GPR149: variants seen among roughly 807,000 people sequenced by gnomAD.
The protein encoded by GPR149 is G protein-coupled receptor 149, also known as probable G protein-coupled receptor 149.
A neutral mutation model predicts 50.2 loss-of-function variants in GPR149; 50 were observed. The observed-to-expected ratio is 1.00, with a 90% CI of 0.79 to 1.26. The LOEUF (loss-of-function observed/expected upper bound fraction) is 1.26. Ranked by LOEUF, GPR149 falls within the 50% of genes most tolerant of loss-of-function variation. The probability of loss-of-function intolerance (pLI) is 0.00; values close to 1 mark genes in which losing one functional copy is unlikely to be tolerated. For synonymous variants in GPR149, 405 were observed against 358.2 expected (o/e 1.13, Z -1.48); for missense variants, 983 against 895.4 (o/e 1.10, Z -1.25).
chr3:154,412,038 G>T (rs1711851671), intron 3 of GPR149, among the ~76,000 whole-genome samples: 1 of 152,120 alleles, frequency 6.6e-6, no homozygotes, highest in South Asian at 2.1e-4. Context: ...TGCAGGAATG[G>T]TTTAACATAT....
At chr3:154,354,149 G>T in intron 3 of GPR149, 2 of 488,954 alleles carry the variant, frequency 4.1e-6, no homozygotes, top group Admixed American at 3.0e-5. Flanking sequence ...GTTTTTTTTG[G>T]CCTTGGAAGC....
At chr3:154,416,863 T>C in intron 3 of GPR149, among the ~76,000 whole-genome samples, 1 of 151,974 alleles carries the variant, frequency 6.6e-6, no homozygotes, top group East Asian at 1.9e-4. Flanking sequence ...CCTTGCACCT[T>C]ACAGATCCTA....
At chr3:154,370,396 G>C (rs1159742839) in intron 3 of GPR149, among the ~76,000 whole-genome samples, 1 of 152,168 alleles carries the variant, frequency 6.6e-6, no homozygotes, top group Non-Finnish European at 1.5e-5. Context: ...GTGGCTCAGA[G>C]GGAACCAAGA....
chr3:154,395,448 A>C (rs1715267427), intron 3 of GPR149, among the ~76,000 whole-genome samples: 1 of 85,542 alleles, frequency 1.2e-5, no homozygotes, highest in South Asian at 3.8e-4. Context: ...ATATATATAT[A>C]AGTATATATA....
At chr3:154,401,355 T>C (rs1227318854) in intron 3 of GPR149, among the ~76,000 whole-genome samples, 1 of 152,224 alleles carries the variant, frequency 6.6e-6, no homozygotes, top group Non-Finnish European at 1.5e-5. Flanking sequence ...GTTTGCCCAG[T>C]AGCAAGGCAA....
At chr3:154,384,295 A>G (rs1715000765) in intron 3 of GPR149, among the ~76,000 whole-genome samples, 1 of 152,216 alleles carries the variant, frequency 6.6e-6, no homozygotes, top group African/African-American at 2.4e-5. Flanking sequence ...ACATATAGCA[A>G]TTAGGAACAC....
chr3:154,338,667 T>C (rs952738674), intron 3 of GPR149, among the ~76,000 whole-genome samples: 7 of 152,314 alleles, frequency 4.6e-5, no homozygotes, highest in Non-Finnish European at 8.8e-5. Flanking sequence ...TTGCAAAAGT[T>C]GGAAGAAATG....
At chr3:154,354,074 G>A (rs1714155237) in intron 3 of GPR149, 4 of 459,344 alleles carry the variant, frequency 8.7e-6, no homozygotes, top group South Asian at 7.4e-5. Context: ...ATGAGATTTA[G>A]AGAATTTATC....
intron 3 of GPR149, among the ~76,000 whole-genome samples, chr3:154,382,050 T>C (rs764665405): frequency 1.3e-5 from 2 of 152,206 alleles, no homozygotes; most frequent in African/African-American, 4.8e-5. Context: ...TTTTTCTACA[T>C]AGTGAGTCAA....
chr3:154,402,506 A>AGAAAGTTTCAGAGATCCTT (rs1711571980), intron 3 of GPR149, among the ~76,000 whole-genome samples: 1 of 151,112 alleles, frequency 6.6e-6, no homozygotes, highest in Non-Finnish European at 1.5e-5. Context: ...ATCAATTCCT[A>AGAAAGTTTCAGAGATCCTT]GAAAGTTTCA....
intron 3 of GPR149, among the ~76,000 whole-genome samples, chr3:154,408,712 C>T (rs779729766): frequency 6.6e-6 from 1 of 152,206 alleles, no homozygotes; most frequent in Non-Finnish European, 1.5e-5. Flanking sequence ...TCAGACATGC[C>T]TATCCCTGCT....
intron 3 of GPR149, among the ~76,000 whole-genome samples, 173 bp downstream of exon 3, chr3:154,420,866 A>G (rs369571578): frequency 6.6e-6 from 1 of 151,986 alleles, no homozygotes; most frequent in African/African-American, 2.4e-5. Flanking sequence ...AAAAGAATTA[A>G]AAAGTCCTTC....
intron 2 of GPR149, among the ~76,000 whole-genome samples, chr3:154,424,837 T>A (rs1169702854): frequency 6.6e-6 from 1 of 151,104 alleles, no homozygotes. Context: ...TAAAAACAAA[T>A]CATTTTTCGG....
intron 3 of GPR149, among the ~76,000 whole-genome samples, chr3:154,363,512 G>A (rs1281661783): frequency 6.6e-6 from 1 of 152,060 alleles, no homozygotes; most frequent in Admixed American, 6.5e-5. Flanking sequence ...ACAGGGAAGA[G>A]GGTGCTCTCT....
intron 3 of GPR149, among the ~76,000 whole-genome samples, chr3:154,404,686 C>G (rs1238157241): frequency 6.6e-6 from 1 of 152,166 alleles, no homozygotes; most frequent in East Asian, 1.9e-4. Context: ...AGTTTGTTCA[C>G]AGGCTCTGAT....
chr3:154,340,629 A>C (rs1295239896), intron 3 of GPR149, among the ~76,000 whole-genome samples: 1 of 152,234 alleles, frequency 6.6e-6, no homozygotes, highest in African/African-American at 2.4e-5. Flanking sequence ...CAAGTTCTAT[A>C]AGGTCCAAGG....
In GPR149 at chr3:154,429,580, G is replaced by A. The variant is rs537317049; in HGVS notation, c.36C>T (p.Asp12=). 20 of 1,613,230 alleles carry A rather than the reference G, an allele frequency of 1.2e-5. No individual in the cohort carries two copies. In the East Asian group the frequency reaches 3.8e-4, roughly 31 times the overall value. Residue 12 remains aspartate, a synonymous_variant, in exon 1 of 4, where the codon GAC becomes GAT. Transcript: ENST00000389740. ...TATGATTCTCTTTCCACAGGCTAGA[G>A]TCATTTGTTGATAAGTTACTGAGAA... The part of the protein sequence containing the change: ...SLFLSNLSTN[D]SSLWKENHNS...
chr3:154,391,257 A>T (rs940123575), intron 3 of GPR149, among the ~76,000 whole-genome samples: 3 of 151,978 alleles, frequency 2.0e-5, no homozygotes, highest in African/African-American at 4.8e-5. Context: ...GTGTTAATTG[A>T]TACACAATAT....
chr3:154,351,330 AAAAAAAAAAAAAAAAT>A (rs1272847320), intron 3 of GPR149, among the ~76,000 whole-genome samples: 1 of 150,182 alleles, frequency 6.7e-6, no homozygotes, highest in African/African-American at 2.4e-5. Context: ...AAAAAAAAAA[AAAAAAAAAAAAAAAAT>A]AACCAGCTAC....
Sources: gnomAD v4.1 joint callset for allele counts (sites outside exome capture counted in the v4.1 genomes callset) on GRCh38, gnomAD v4.1.1 for gene constraint, MANE v1.5 for transcripts, NCBI Gene and HGNC (gene_info 2026-07-23, HGNC 2026-07-21) for gene names.